Variants in ANKRA2 observed in about 807,000 individuals in gnomAD.
ANKRA2 encodes ankyrin repeat family A protein 2.
Under a neutral mutation model 37.8 loss-of-function variants are expected in ANKRA2, and 33 were observed. That is an observed-to-expected ratio of 0.87 (90% CI 0.66 to 1.17). The LOEUF (loss-of-function observed/expected upper bound fraction) is 1.17. Ranked by LOEUF, ANKRA2 falls within the 50% of genes most tolerant of loss-of-function variation. The probability of loss-of-function intolerance (pLI) is 0.00; values close to 1 mark genes in which losing one functional copy is unlikely to be tolerated. For synonymous variants in ANKRA2, 126 were observed against 132.3 expected, an observed-to-expected ratio of 0.95 and a Z score of 0.33; for missense variants, 326 against 373.7, an observed-to-expected ratio of 0.87 and a Z score of 1.05.
Position 73,561,111 on chromosome 5 carries a change from A to C in ANKRA2, c.448+19T>G. 1.3e-6 allele frequency: 2 copies of C among 1,594,550 alleles called. No individual in the cohort carries two copies. Among genetic ancestry groups the C allele is most frequent in the Non-Finnish European group, 1.7e-6 (2 of 1,169,492 alleles). Reference sequence around the variant, plus strand: ...TATTACATTAAGAATATAGTAATACATCAGTGGCAAATACTTACAATTTGC... The same window carrying C: ...TATTACATTAAGAATATAGTAATACCTCAGTGGCAAATACTTACAATTTGC... On this transcript the variant is annotated intron_variant, in intron 3 of 8. Transcript: ENST00000296785.
At position 73,565,490 on chromosome 5, in the gene ANKRA2, A is replaced by G; in HGVS notation, c.-463T>C. 1 of 254,104 alleles carries G rather than the reference A, an allele frequency of 3.9e-6. No homozygotes were observed. Among genetic ancestry groups the G allele is most frequent in the Non-Finnish European group, 8.0e-6 (1 of 125,710 alleles). 15.7% of individuals were successfully genotyped at this position (254,104 alleles called of 1,614,324 possible). A position where few individuals can be genotyped will look rare whatever the true frequency, so the allele number is the denominator to read the frequency against. On this transcript the variant is annotated 5_prime_UTR_variant, in exon 1 of 9. Transcript: ENST00000296785. ...AACGTTCCGCAGCAATGCAGCTGAA[A>G]CTTTCGGGTTTTCTTTTTTTTGTCC...
chr5:73,554,432 G>A, intron 6 of ANKRA2, 44 bp from the exon 7 acceptor site: 1 of 1,370,018 alleles, frequency 7.3e-7, no homozygotes, highest in Non-Finnish European at 1.0e-6. Flanking sequence ...CGGTGAGCAA[G>A]ACTCAAGTAA....
At chr5:73,554,132 G>A (rs1209358097) in intron 7 of ANKRA2, among the ~76,000 whole-genome samples, 190 bp downstream of exon 7, 3 of 152,178 alleles carry the variant, frequency 2.0e-5, no homozygotes, top group Admixed American at 2.0e-4. Flanking sequence ...TCCAATTGCA[G>A]GTGTGGTATG....
chr5:73,563,911 T>C (rs2112026477), intron 1 of ANKRA2, among the ~76,000 whole-genome samples: 1 of 152,296 alleles, frequency 6.6e-6, no homozygotes, highest in Non-Finnish European at 1.5e-5. Flanking sequence ...TTTCAAAGAT[T>C]AGTCTTTATA....
intron 1 of ANKRA2, among the ~76,000 whole-genome samples, chr5:73,563,752 G>T (rs1185426711): frequency 1.1e-5 from 1 of 91,872 alleles, no homozygotes; most frequent in Non-Finnish European, 2.5e-5. Context: ...TCATGTTAGG[G>T]TTAATTGCCT....
chr5:73,557,059 CTT>C (rs1561269277), intron 4 of ANKRA2, among the ~76,000 whole-genome samples: 11 of 145,826 alleles, frequency 7.5e-5, no homozygotes, highest in Non-Finnish European at 1.3e-4. Flanking sequence ...TATAGATATA[CTT>C]TTAAGTTTTA....
rs1174616567 is a variant in ANKRA2, at chr5:73,554,267, C to A, written c.805+55G>T. 5.4e-6 allele frequency: 8 copies of A among 1,479,280 alleles called. No individual in the cohort carries two copies. In the Admixed American group the frequency reaches 1.0e-4, roughly 19 times the overall value. The allele number at this position is 1,479,280 out of a possible 1,614,324, so 91.6% of individuals were successfully genotyped here. On this transcript the variant is annotated intron_variant, in intron 7 of 8. Transcript: ENST00000296785. ...TGAGTAGTACCAGGGGAGGCCAGGTCGAAAAAATAAAATCAAGTCCTCACA... is the reference window on the plus strand; with the variant it reads ...TGAGTAGTACCAGGGGAGGCCAGGTAGAAAAAATAAAATCAAGTCCTCACA...
chr5:73,562,972 G>A lies in ANKRA2; in HGVS notation c.-91C>T. The A allele has an allele frequency of 1.0e-5, 12 of 1,198,588 alleles. No individual in the cohort carries two copies. Among genetic ancestry groups the A allele is most frequent in the East Asian group, 7.7e-5 (3 of 39,194 alleles). 74.2% of individuals were successfully genotyped at this position (1,198,588 alleles called of 1,614,324 possible). A position where few individuals can be genotyped will look rare whatever the true frequency, so the allele number is the denominator to read the frequency against. On this transcript the variant is annotated 5_prime_UTR_variant, in exon 2 of 9. Coordinates refer to ENST00000296785, the MANE Select transcript of ANKRA2 (RefSeq NM_023039.5). ...AGTATCCAGTGTGTTCTTGGAATCT[G>A]GATATTTAAAAATCTGAAAGAAAAA...
At chr5:73,562,248 C>T (rs1747577021) in intron 2 of ANKRA2, among the ~76,000 whole-genome samples, 2 of 152,074 alleles carry the variant, frequency 1.3e-5, no homozygotes, top group Non-Finnish European at 2.9e-5. Flanking sequence ...AACTCCTGAC[C>T]TCAAGTGATC....
At chr5:73,564,165 G>A (rs1747642822) in intron 1 of ANKRA2, among the ~76,000 whole-genome samples, 1 of 151,868 alleles carries the variant, frequency 6.6e-6, no homozygotes. Context: ...CAAAAAGAAG[G>A]AAACCAGAAA....
intron 3 of ANKRA2, among the ~76,000 whole-genome samples, chr5:73,558,404 GA>G (rs371019761): frequency 6.6e-6 from 1 of 152,182 alleles, no homozygotes; most frequent in African/African-American, 2.4e-5. Flanking sequence ...CTTAAGACAT[GA>G]AGACACTCTT....
chr5:73,562,020 A>G (rs1035448872), intron 2 of ANKRA2, among the ~76,000 whole-genome samples: 26 of 151,786 alleles, frequency 1.7e-4, no homozygotes, highest in African/African-American at 4.8e-4. Context: ...TTTTTTTCTT[A>G]TGATTTTATT....
intron 5 of ANKRA2, chr5:73,555,263 C>G: frequency 5.8e-6 from 7 of 1,215,366 alleles, no homozygotes; most frequent in Non-Finnish European, 7.7e-6. Context: ...TACTTCTGTT[C>G]CCGTGGGATG....
At chr5:73,553,589 G>C (rs1275088077) in intron 7 of ANKRA2, 103 bp from the exon 8 acceptor site, 5 of 982,306 alleles carry the variant, frequency 5.1e-6, no homozygotes, top group Non-Finnish European at 7.7e-6. Flanking sequence ...TCAGTTTGGA[G>C]AATGTTTTAG....
intron 2 of ANKRA2, among the ~76,000 whole-genome samples, chr5:73,561,842 TAAGAG>T (rs1206986178): frequency 1.3e-5 from 2 of 152,124 alleles, no homozygotes; most frequent in Non-Finnish European, 2.9e-5. Context: ...GATGTTATCC[TAAGAG>T]AATAGTTTTA....
Sources: allele counts gnomAD v4.1 joint callset (sites outside exome capture counted in the v4.1 genomes callset), GRCh38; gene constraint gnomAD v4.1.1; transcripts MANE v1.5; gene names NCBI Gene and HGNC (gene_info 2026-07-23, HGNC 2026-07-21).